The following PLD1 variants were observed in gnomAD, a reference collection of about 807,000 sequenced individuals.
PLD1 encodes choline phosphatase 1.
In PLD1, 112 loss-of-function variants were observed where a neutral mutation model predicts 137.1. The observed-to-expected ratio is 0.82, with a 90% CI of 0.70 to 0.96. The LOEUF (loss-of-function observed/expected upper bound fraction) is 0.96. PLD1 is among the 40% of genes least tolerant of loss of function. The probability of loss-of-function intolerance (pLI) is 0.00; values close to 1 mark genes in which losing one functional copy is unlikely to be tolerated. For synonymous variants in PLD1, 431 were observed against 454.7 expected (o/e 0.95, Z 0.66); for missense variants, 1,321 against 1,342.0 (o/e 0.98, Z 0.24).
At chr3:171,731,237 T>C (rs766101316) in intron 6 of PLD1, among the ~76,000 whole-genome samples, 39 of 152,254 alleles carry the variant, frequency 2.6e-4, no homozygotes, top group Non-Finnish European at 4.1e-4. Context: ...ACTTTTAATA[T>C]GCTTTTTACA....
intron 5 of PLD1, among the ~76,000 whole-genome samples, chr3:171,734,604 A>G (rs1719206367): frequency 6.6e-6 from 1 of 152,208 alleles, no homozygotes; most frequent in Admixed American, 6.5e-5. Context: ...AATAAGCCCA[A>G]GGAGATTCTA....
intron 19 of PLD1, among the ~76,000 whole-genome samples, chr3:171,674,256 T>G (rs1713097406): frequency 6.6e-6 from 1 of 152,256 alleles, no homozygotes; most frequent in Non-Finnish European, 1.5e-5. Context: ...ATTACAGGAA[T>G]AGCCTTGGCT....
chr3:171,656,150 C>T (rs7652359), intron 21 of PLD1, among the ~76,000 whole-genome samples: 49,588 of 128,006 alleles, frequency 0.39, 9,818 homozygotes, highest in African/African-American at 0.6. Context: ...CCCTAAAATA[C>T]TATAATTTTA....
intron 21 of PLD1, among the ~76,000 whole-genome samples, chr3:171,649,536 A>G (rs1417838874): frequency 6.6e-6 from 1 of 152,198 alleles, no homozygotes; most frequent in African/African-American, 2.4e-5. Flanking sequence ...CTTCGGAAAT[A>G]CTGAATCCTC....
At chr3:171,686,198 AG>A (rs2108506406) in intron 16 of PLD1, among the ~76,000 whole-genome samples, 1 of 151,616 alleles carries the variant, frequency 6.6e-6, no homozygotes, top group South Asian at 2.1e-4. Flanking sequence ...ATATCTTCTT[AG>A]TCTTATATCA....
intron 3 of PLD1, 38 bp downstream of exon 3, chr3:171,737,494 G>A (rs1478113845): frequency 3.2e-6 from 5 of 1,572,546 alleles, no homozygotes; most frequent in South Asian, 1.2e-5. Flanking sequence ...CACATATATT[G>A]ACAAAAGAAA....
chr3:171,651,450 A>G (rs1000552636), intron 21 of PLD1, among the ~76,000 whole-genome samples: 1 of 151,970 alleles, frequency 6.6e-6, no homozygotes, highest in Non-Finnish European at 1.5e-5. Flanking sequence ...TGCTTGGCAA[A>G]TCCTTTAAAA....
At chr3:171,669,876 A>T (rs979188968) in intron 19 of PLD1, among the ~76,000 whole-genome samples, 10 of 152,252 alleles carry the variant, frequency 6.6e-5, no homozygotes, top group African/African-American at 2.4e-4. Flanking sequence ...AGAGTGAAGT[A>T]ATTTTCCCGA....
At position 171,764,901 on chromosome 3, in the gene PLD1, AAGGAAGGAAG is replaced by A. The variant is rs1201847270; in HGVS notation, c.-31-26829_-31-26820del. ...AAAGAAAGAAAGAAAGAAAGGAAGG[AAGGAAGGAAG>A]GAAAGAAAGAAAGGAAAGAAAGGAA... On this transcript the variant is annotated intron_variant, in intron 1 of 26. Coordinates refer to ENST00000351298, the MANE Select transcript of PLD1 (RefSeq NM_002662.5). Among the ~76,000 whole-genome samples, 267 of 34,656 alleles carry A rather than the reference AAGGAAGGAAG, an allele frequency of 7.7e-3. 47 individuals carry two copies. The highest frequency in any genetic ancestry group is 7.9e-3 in the Non-Finnish European group (126 of 16,010). The allele number at this position is 34,656 out of a possible 152,430, so 22.7% of individuals were successfully genotyped here. A position where few individuals can be genotyped will look rare whatever the true frequency, so the allele number is the denominator to read the frequency against.
intron 16 of PLD1, among the ~76,000 whole-genome samples, chr3:171,678,030 A>C (rs906985442): frequency 2.6e-5 from 4 of 152,020 alleles, no homozygotes; most frequent in East Asian, 3.9e-4. Flanking sequence ...ACAAGGTGGC[A>C]CTATGAGAGC....
intron 21 of PLD1, among the ~76,000 whole-genome samples, chr3:171,659,009 TTG>T (rs1453980251): frequency 6.6e-6 from 1 of 152,220 alleles, no homozygotes; most frequent in Non-Finnish European, 1.5e-5. Context: ...TTTTTGTGCC[TTG>T]GAAGAATTCA....
chr3:171,764,868 AAAGAAAGAAAGAAAGAAAGAAAGAAAGG>A lies in PLD1; in HGVS notation c.-31-26814_-31-26787del, dbSNP rs1292577867. ...GAAAGAAAGAAAGAAAGAAAGAAAGAAAGAAAGAAAGAAAGAAAGAAAGAAAGGAAGGAAGGAAGGAAGGAAAGAAAGA... is the reference window on the plus strand; with the variant it reads ...GAAAGAAAGAAAGAAAGAAAGAAAGAAAGGAAGGAAGGAAGGAAAGAAAGA... On this transcript the variant is annotated intron_variant, in intron 1 of 26. Coordinates refer to ENST00000351298, the MANE Select transcript of PLD1 (RefSeq NM_002662.5). Among the ~76,000 whole-genome samples, 36 of 27,386 alleles carry A rather than the reference AAAGAAAGAAAGAAAGAAAGAAAGAAAGG, an allele frequency of 1.3e-3. 4 individuals are homozygous for A. Among genetic ancestry groups the A allele is most frequent in the African/African-American group, 3.5e-3 (23 of 6,602 alleles). The allele number at this position is 27,386 out of a possible 152,430, so 18.0% of individuals were successfully genotyped here. A position where few individuals can be genotyped will look rare whatever the true frequency, so the allele number is the denominator to read the frequency against.
chr3:171,720,591 A>C (rs1411813749), intron 8 of PLD1, among the ~76,000 whole-genome samples: 1 of 152,064 alleles, frequency 6.6e-6, no homozygotes, highest in Admixed American at 6.5e-5. Context: ...TCAAAAAAAA[A>C]AAAAAGTCTT....
chr3:171,620,129 T>C (rs1012877174), intron 24 of PLD1, among the ~76,000 whole-genome samples: 6 of 152,338 alleles, frequency 3.9e-5, no homozygotes, highest in South Asian at 2.1e-4. Flanking sequence ...CCTGATGTGA[T>C]TGTTATACAT....
At chr3:171,792,526 C>T (rs1050493354) in intron 1 of PLD1, 5 of 454,210 alleles carry the variant, frequency 1.1e-5, no homozygotes, top group African/African-American at 2.0e-5. Context: ...ACGAAGGTCT[C>T]GCTGAGCAAA....
Position 171,620,387 on chromosome 3 carries a change from A to G in PLD1, c.2727T>C (p.Ile909=). The part of the protein sequence containing the change: ...LLIADDNTVI[I]GSANINDRSM... ...TTATAGACCATATACTGTACTTACC[A>G]ATAATAACAGTGTTATCATCAGCAA... The change falls in exon 24 of 27, where the codon ATT becomes ATC. Residue 909 remains isoleucine, a splice_region_variant and synonymous_variant. Transcript: ENST00000351298. 1 of 1,590,200 alleles carries G rather than the reference A, an allele frequency of 6.3e-7. No individual in the cohort carries two copies. The highest frequency in any genetic ancestry group is 8.6e-7 in the Non-Finnish European group (1 of 1,163,140).
At chr3:171,603,528 T>C (rs1394462788) in intron 26 of PLD1, among the ~76,000 whole-genome samples, 2 of 152,180 alleles carry the variant, frequency 1.3e-5, no homozygotes, top group Admixed American at 6.5e-5. Context: ...TCATGGTTAG[T>C]GGCAAGAAAT....
At position 171,635,965 on chromosome 3, in the gene PLD1, C is replaced by CTTTTTTTTTTTTTTTTT. The variant is rs71178231; in HGVS notation, c.2593+6858_2593+6874dup. ...ATGGTATGAGGTAGGGGTTCAACTT[C>CTTTTTTTTTTTTTTTTT]TTTTTTTTTTTTTTTTTTTTTTTTT... On this transcript the variant is annotated intron_variant, in intron 23 of 26. Coordinates refer to ENST00000351298, the MANE Select transcript of PLD1 (RefSeq NM_002662.5). Among the ~76,000 whole-genome samples, 14 of 49,286 alleles carry CTTTTTTTTTTTTTTTTT rather than the reference C, an allele frequency of 2.8e-4. 2 individuals carry two copies. Among genetic ancestry groups the CTTTTTTTTTTTTTTTTT allele is most frequent in the African/African-American group, 3.4e-4 (6 of 17,468 alleles). The allele number at this position is 49,286 out of a possible 152,430, so 32.3% of individuals were successfully genotyped here.
intron 25 of PLD1, among the ~76,000 whole-genome samples, chr3:171,611,003 C>A (rs918090313): frequency 6.6e-6 from 1 of 152,172 alleles, no homozygotes; most frequent in South Asian, 2.1e-4. Flanking sequence ...TCTGCCTTTG[C>A]CGGGAGTTAA....
Sources: gnomAD v4.1 joint callset for allele counts (sites outside exome capture counted in the v4.1 genomes callset) on GRCh38, gnomAD v4.1.1 for gene constraint, MANE v1.5 for transcripts, NCBI Gene and HGNC (gene_info 2026-07-23, HGNC 2026-07-21) for gene names.